Variants in SORCS1 observed in about 807,000 individuals in gnomAD.
SORCS1 encodes VPS10 domain-containing receptor SorCS1.
SORCS1 carries 60 observed loss-of-function variants against 146.1 expected under a neutral mutation model. The observed-to-expected ratio is 0.41, with a 90% CI of 0.33 to 0.51. The LOEUF is 0.51. Among genes scored for constraint, SORCS1 ranks in the 20% least tolerant of loss-of-function variants. The pLI, the probability that SORCS1 is intolerant of heterozygous loss-of-function variation, is 0.21. For missense variants in SORCS1, 1,352 were observed against 1,487.6 expected (o/e 0.91, Z 1.50); for synonymous variants, 637 against 584.0 (o/e 1.09, Z -1.31).
intron 3 of SORCS1, among the ~76,000 whole-genome samples, chr10:106,791,222 CTG>C: frequency 6.6e-6 from 1 of 152,274 alleles, no homozygotes; most frequent in East Asian, 1.9e-4. Flanking sequence ...CAATATTCTT[CTG>C]TGTTATCATT....
intron 1 of SORCS1, among the ~76,000 whole-genome samples, chr10:107,124,953 C>CTT (rs577523339): frequency 8.6e-4 from 104 of 121,600 alleles, no homozygotes; most frequent in Non-Finnish European, 1.3e-3. Flanking sequence ...TTTTCTTTTT[C>CTT]TTTTTTTTTT....
intron 2 of SORCS1, among the ~76,000 whole-genome samples, chr10:106,918,203 C>A (rs1387724653): frequency 3.9e-5 from 6 of 152,166 alleles, no homozygotes; most frequent in Non-Finnish European, 7.3e-5. Context: ...CTCTGTCGCC[C>A]AGGCTGGAGT....
At chr10:106,840,070 T>C (rs1157913234) in intron 2 of SORCS1, among the ~76,000 whole-genome samples, 2 of 152,240 alleles carry the variant, frequency 1.3e-5, no homozygotes, top group Admixed American at 6.5e-5. Context: ...ATCTATTCTG[T>C]ACTCCATGGA....
chr10:107,094,310 T>C (rs1453995647), intron 1 of SORCS1, among the ~76,000 whole-genome samples: 1 of 152,190 alleles, frequency 6.6e-6, no homozygotes, highest in Non-Finnish European at 1.5e-5. Context: ...TAGAGAATCT[T>C]AAATCACTGG....
chr10:106,934,384 T>A (rs570207183), intron 2 of SORCS1, among the ~76,000 whole-genome samples: 10,259 of 151,926 alleles, frequency 0.068, 987 homozygotes, highest in African/African-American at 0.21. Flanking sequence ...CAGCCTCCTG[T>A]GTAGTTGGGA....
intron 3 of SORCS1, among the ~76,000 whole-genome samples, chr10:106,801,376 G>A (rs932348712): frequency 2.0e-5 from 3 of 151,846 alleles, no homozygotes; most frequent in African/African-American, 7.3e-5. Context: ...ACCATAATTG[G>A]TCTATTTTTT....
intron 3 of SORCS1, among the ~76,000 whole-genome samples, chr10:106,808,544 C>T (rs918988741): frequency 1.3e-5 from 2 of 152,036 alleles, no homozygotes; most frequent in African/African-American, 2.4e-5. Context: ...GCTCTGTCGC[C>T]CAGTCTGGAG....
At chr10:106,815,133 A>G (rs1947672917) in intron 3 of SORCS1, among the ~76,000 whole-genome samples, 1 of 151,320 alleles carries the variant, frequency 6.6e-6, no homozygotes, top group African/African-American at 2.4e-5. Context: ...TAATTTTTCT[A>G]TTTTTAGTAA....
chr10:106,678,804 G>C (rs1243758925), intron 12 of SORCS1, among the ~76,000 whole-genome samples: 5 of 152,118 alleles, frequency 3.3e-5, no homozygotes, highest in African/African-American at 1.2e-4. Context: ...AAACATCTCA[G>C]AACACCACCT....
At chr10:106,582,173 T>G (rs1383990922) in intron 24 of SORCS1, among the ~76,000 whole-genome samples, 1 of 151,934 alleles carries the variant, frequency 6.6e-6, no homozygotes, top group Non-Finnish European at 1.5e-5. Flanking sequence ...ACCTTTTCCC[T>G]TCTCTTTCCT....
chr10:106,978,554 C>T (rs1956128617), intron 1 of SORCS1, among the ~76,000 whole-genome samples: 1 of 152,070 alleles, frequency 6.6e-6, no homozygotes, highest in African/African-American at 2.4e-5. Flanking sequence ...AATCCCAGCA[C>T]TTTGGGAGGC....
At chr10:107,120,214 T>C (rs1044737124) in intron 1 of SORCS1, among the ~76,000 whole-genome samples, 8 of 152,212 alleles carry the variant, frequency 5.3e-5, no homozygotes, top group African/African-American at 1.9e-4. Flanking sequence ...ATTGAATGAA[T>C]GTTAACTACT....
At chr10:107,012,686 T>C (rs550862638) in intron 1 of SORCS1, among the ~76,000 whole-genome samples, 1 of 152,304 alleles carries the variant, frequency 6.6e-6, no homozygotes, top group South Asian at 2.1e-4. Flanking sequence ...GTCCACATGT[T>C]CCACCACTAC....
chr10:106,861,915 T>G (rs1482015451), intron 2 of SORCS1, among the ~76,000 whole-genome samples: 2 of 152,174 alleles, frequency 1.3e-5, no homozygotes, highest in African/African-American at 4.8e-5. Context: ...GTCCTCTAGG[T>G]GTCATAGTAT....
At chr10:107,151,046 CTGGGT>C (rs1428451822) in intron 1 of SORCS1, among the ~76,000 whole-genome samples, 4 of 152,150 alleles carry the variant, frequency 2.6e-5, no homozygotes. Context: ...AACTTTGGAA[CTGGGT>C]AGCAGGCAGA....
At chr10:106,902,847 G>C (rs1232802834) in intron 2 of SORCS1, among the ~76,000 whole-genome samples, 1 of 152,218 alleles carries the variant, frequency 6.6e-6, no homozygotes, top group Admixed American at 6.5e-5. Context: ...GGGAGGCCAA[G>C]GCGAGTGGAT....
chr10:107,096,357 A>G lies in SORCS1; in HGVS notation c.558+67612T>C, dbSNP rs17210228. On this transcript the variant is annotated intron_variant, in intron 1 of 25. Transcript: ENST00000263054. ...TTGAAATCATGTTTTACCACATACT[A>G]TTGATATGACTTTCAACTTCTTTCA... Among the ~76,000 whole-genome samples the G allele has an allele frequency of 9.8e-3, 1,499 of 152,316 alleles. 12 individuals carry two copies. The highest frequency in any genetic ancestry group is 0.02 in the South Asian group (97 of 4,828).
intron 1 of SORCS1, among the ~76,000 whole-genome samples, chr10:106,969,812 A>G (rs1263153890): frequency 6.6e-6 from 1 of 152,204 alleles, no homozygotes; most frequent in African/African-American, 2.4e-5. Context: ...CCCAGCATTC[A>G]AAGGAGCCAG....
At chr10:107,061,728 T>C (rs1408590338) in intron 1 of SORCS1, among the ~76,000 whole-genome samples, 1 of 152,206 alleles carries the variant, frequency 6.6e-6, no homozygotes, top group South Asian at 2.1e-4. Flanking sequence ...ACATAACTTA[T>C]GGCTTCATTT....
Sources: allele counts gnomAD v4.1 joint callset (sites outside exome capture counted in the v4.1 genomes callset), GRCh38; gene constraint gnomAD v4.1.1; transcripts MANE v1.5; gene names NCBI Gene and HGNC (gene_info 2026-07-23, HGNC 2026-07-21).